GMIP: variants seen among roughly 807,000 people sequenced by gnomAD.
The protein encoded by GMIP is GEM interacting protein.
In GMIP, 54 loss-of-function variants were observed where a neutral mutation model predicts 105.3. That is an observed-to-expected ratio of 0.51 (90% CI 0.41 to 0.64). The LOEUF (loss-of-function observed/expected upper bound fraction) is 0.64, where lower values mean the gene tolerates loss of function less well. Among genes scored for constraint, GMIP ranks in the 30% least tolerant of loss-of-function variants. The pLI, the probability that GMIP is intolerant of heterozygous loss-of-function variation, is 0.00. For synonymous variants in GMIP, 541 were observed against 560.8 expected (o/e 0.96, Z 0.50); for missense variants, 1,110 against 1,319.4 (o/e 0.84, Z 2.46).
At position 19,630,174 on chromosome 19, in the gene GMIP, G is replaced by A. The variant is rs778834358; in HGVS notation, c.2702C>T (p.Thr901Ile). ...ASKLCEETPI[T>I]SVPRGSLRGR... Reference sequence around the variant, plus strand: ...CCGCAAACTCCCTCTGGGCACTGATGTGATGGGGGTCTCCTCGCACAGCTT... The same window carrying A: ...CCGCAAACTCCCTCTGGGCACTGATATGATGGGGGTCTCCTCGCACAGCTT... Residue 901 changes from threonine (T) to isoleucine (I), a missense_variant, in exon 21 of 21, where the codon ACA becomes ATA. Thr to Ile is a moderately conservative substitution (Grantham distance 89). Transcript: ENST00000203556. This position sits in a 1 kb window ranked among gnomAD's most constrained non-coding sequence, Gnocchi z 4.8. 8 of 1,603,762 alleles carry A rather than the reference G, an allele frequency of 5.0e-6. No individual in the cohort carries two copies. In the African/African-American group the frequency reaches 5.4e-5, roughly 11 times the overall value.
In GMIP at chr19:19,635,477, G is replaced by A. The variant is rs754729901; in HGVS notation, c.1498C>T (p.Arg500Trp). 9.3e-6 allele frequency: 15 copies of A among 1,610,542 alleles called. No individual in the cohort carries two copies. The South Asian group carries it at 1.4e-4, about 15-fold the overall frequency. ...AAQTHQLRRL[R>W]GPAKCRECEA... ...CACTCGCGGCACTTGGCTGGGCCCC[G>A]CAGTCGCCGCAGCTGGTGGGTCTGA... is the stretch of plus-strand genomic sequence containing the variant. The change falls in exon 15 of 21, where the codon CGG (arginine) becomes TGG (tryptophan). Residue 500 changes from arginine (R) to tryptophan (W), a missense_variant. By Grantham distance (101) the Arg-to-Trp change is moderately radical. Transcript: ENST00000203556. The surrounding 1 kb of genome is among the most constrained non-coding windows in gnomAD (Gnocchi z 4.7).
Position 19,643,535 on chromosome 19 carries a change from G to A in GMIP, c.-6C>T. On this transcript the variant is annotated 5_prime_UTR_variant, in exon 1 of 21. Coordinates refer to ENST00000203556, the MANE Select transcript of GMIP (RefSeq NM_016573.4). ...CCCGGCTCTGCTGCGTCCATATCTG[G>A]GCCCGGGGATCGCTCTGCAGGGACC... 3.9e-6 allele frequency: 6 copies of A among 1,547,420 alleles called. No individual in the cohort carries two copies. The highest frequency in any genetic ancestry group is 5.2e-6 in the Non-Finnish European group (6 of 1,145,210).
chr19:19,639,521 C>G (rs1356432801), intron 7 of GMIP, among the ~76,000 whole-genome samples: 1 of 152,108 alleles, frequency 6.6e-6, no homozygotes, highest in Admixed American at 6.5e-5. Context: ...CTCCTGAGAA[C>G]ACTCAGCACC....
In GMIP at chr19:19,637,059, T is replaced by A; in HGVS notation, c.1125-30A>T. On this transcript the variant is annotated intron_variant, in intron 11 of 20. Coordinates refer to ENST00000203556, the MANE Select transcript of GMIP (RefSeq NM_016573.4). This position sits in a 1 kb window ranked among gnomAD's most constrained non-coding sequence, Gnocchi z 6.7. ...GAAGACAGAAGTTTGAAGGTTTGAA[T>A]CCCAGGAAACTGGCCTGGGGTGATG... The A allele has an allele frequency of 1.4e-6, 2 of 1,473,820 alleles. No homozygotes were observed. The highest frequency in any genetic ancestry group is 1.9e-6 in the Non-Finnish European group (2 of 1,076,262). The allele number at this position is 1,473,820 out of a possible 1,614,324, so 91.3% of individuals were successfully genotyped here.
At chr19:19,636,391 T>G (rs2061854348) in intron 13 of GMIP, among the ~76,000 whole-genome samples, 1 of 148,826 alleles carries the variant, frequency 6.7e-6, no homozygotes, top group Non-Finnish European at 1.5e-5. Flanking sequence ...GGCGTGGTAG[T>G]GCACACCTGT....
chr19:19,642,482 A>G (rs2061932667), intron 2 of GMIP, 53 bp downstream of exon 2: 1 of 1,117,634 alleles, frequency 8.9e-7, no homozygotes, highest in Non-Finnish European at 1.4e-6. Flanking sequence ...CTAAATGGTT[A>G]GGGGCTTGGG....
chr19:19,639,903 T>A (rs1051798653), intron 7 of GMIP, among the ~76,000 whole-genome samples, 182 bp downstream of exon 7: 6 of 152,150 alleles, frequency 3.9e-5, no homozygotes, highest in African/African-American at 1.4e-4. Context: ...CCAGCTTGAA[T>A]CTTTGCTGGG....
In GMIP at chr19:19,635,293, G is replaced by T. The variant is rs1340174083; in HGVS notation, c.1561-80C>A. The T allele has an allele frequency of 2.0e-6, 3 of 1,514,596 alleles. No individual in the cohort carries two copies. Among genetic ancestry groups the T allele is most frequent in the African/African-American group, 2.7e-5 (2 of 72,818 alleles). The allele number at this position is 1,514,596 out of a possible 1,614,324, so 93.8% of individuals were successfully genotyped here. ...AAGGTTACAAGGATCCTCAAGGAAT[G>T]GGGGCTCATGGGAGACATCAGGTTA... On this transcript the variant is annotated intron_variant, in intron 15 of 20. Transcript: ENST00000203556. This position sits in a 1 kb window ranked among gnomAD's most constrained non-coding sequence, Gnocchi z 4.7.
chr19:19,643,220 G>A (rs1225190660), intron 1 of GMIP: 9 of 395,982 alleles, frequency 2.3e-5, no homozygotes, highest in Non-Finnish European at 3.2e-5. Flanking sequence ...CTCAGCAGTC[G>A]TGGCACCCTG....
intron 7 of GMIP, among the ~76,000 whole-genome samples, chr19:19,639,736 C>A (rs943556479): frequency 2.6e-5 from 4 of 152,120 alleles, no homozygotes; most frequent in Admixed American, 1.3e-4. Flanking sequence ...GTAATCCCAG[C>A]TACTCAGGAG....
rs1458673532 is a variant in GMIP, at chr19:19,638,604, T to C, written c.538-122A>G. The C allele has an allele frequency of 9.5e-6, 7 of 739,352 alleles. No homozygotes were observed. The East Asian group carries it at 1.6e-4, about 17-fold the overall frequency. The allele number at this position is 739,352 out of a possible 1,614,324, so 45.8% of individuals were successfully genotyped here. ...CCTCTGGACTCTATTTTTTTTTTTT[T>C]CGAGACGGAGTTTTGCTCTTGTTGC... On this transcript the variant is annotated intron_variant, in intron 7 of 20. Transcript: ENST00000203556.
intron 1 of GMIP, 146 bp from the exon 2 acceptor site, chr19:19,642,765 A>C (rs1419785047): frequency 1.8e-5 from 9 of 506,248 alleles, no homozygotes; most frequent in Non-Finnish European, 3.2e-5. Flanking sequence ...GTTGGGGCCA[A>C]CTCGAGGCAG....
chr19:19,635,475 C>T lies in GMIP; in HGVS notation c.1500G>A (p.Arg500=), dbSNP rs2061844296. 1 of 1,610,596 alleles carries T rather than the reference C, an allele frequency of 6.2e-7. No homozygotes were observed. Among genetic ancestry groups the T allele is most frequent in the Non-Finnish European group, 8.5e-7 (1 of 1,179,996 alleles). Residue 500 remains arginine (R), a synonymous_variant, in exon 15 of 21, where the codon CGG becomes CGA. Transcript: ENST00000203556. The surrounding 1 kb of genome is among the most constrained non-coding windows in gnomAD (Gnocchi z 4.7). The part of the protein sequence containing the change: ...AAQTHQLRRL[R]GPAKCRECEA... Reference sequence around the variant, plus strand: ...CGCACTCGCGGCACTTGGCTGGGCCCCGCAGTCGCCGCAGCTGGTGGGTCT... The same window carrying T: ...CGCACTCGCGGCACTTGGCTGGGCCTCGCAGTCGCCGCAGCTGGTGGGTCT...
In GMIP at chr19:19,637,357, T is replaced by A; in HGVS notation, c.1124+8A>T. 6.7e-7 allele frequency: 1 copy of A among 1,484,564 alleles called. No individual in the cohort carries two copies. The highest frequency in any genetic ancestry group is 1.4e-5 in the South Asian group (1 of 72,962). 92.0% of individuals were successfully genotyped at this position (1,484,564 alleles called of 1,614,324 possible). ...GCTCGTTCCCGACTCCCTGCTCCAG[T>A]GACCCACCTGTTCAAGGAGGGAAGG... is the stretch of plus-strand genomic sequence containing the variant. On this transcript the variant is annotated splice_region_variant and intron_variant, in intron 11 of 20. Transcript: ENST00000203556. The surrounding 1 kb of genome is among the most constrained non-coding windows in gnomAD (Gnocchi z 6.7).
intron 4 of GMIP, 57 bp downstream of exon 4, chr19:19,641,753 T>G: frequency 1.6e-6 from 2 of 1,224,892 alleles, no homozygotes; most frequent in Non-Finnish European, 2.4e-6. Context: ...CAGTGGTGAT[T>G]TGTTGAAGGA....
chr19:19,629,749 T>C lies in GMIP; in HGVS notation c.*214A>G. 5 of 579,694 alleles carry C rather than the reference T, an allele frequency of 8.6e-6. No individual in the cohort carries two copies. Among genetic ancestry groups the C allele is most frequent in the East Asian group, 3.0e-5 (1 of 33,710 alleles). 35.9% of individuals were successfully genotyped at this position (579,694 alleles called of 1,614,324 possible). Reference sequence around the variant, plus strand: ...GGCCCTGATGCTTGGCAGTGACCTGTGTCTAGTGGGGGGACTCTGGGACAT... The same window carrying C: ...GGCCCTGATGCTTGGCAGTGACCTGCGTCTAGTGGGGGGACTCTGGGACAT... On this transcript the variant is annotated 3_prime_UTR_variant, in exon 21 of 21. Transcript: ENST00000203556.
chr19:19,639,217 G>A (rs1028230917), intron 7 of GMIP, among the ~76,000 whole-genome samples: 1 of 151,316 alleles, frequency 6.6e-6, no homozygotes, highest in African/African-American at 2.4e-5. Flanking sequence ...CTGCAGACAT[G>A]TGCACCAGGC....
rs771232869 is a variant in GMIP, at chr19:19,637,983, G to C, written c.864C>G (p.Ala288=). The C allele has an allele frequency of 6.2e-7, 1 of 1,611,228 alleles. No homozygotes were observed. The highest frequency in any genetic ancestry group is 2.2e-5 in the East Asian group (1 of 44,808). ...GCACGTGCGACACGATTCGCTGCTT[G>C]GCGATCTCCAGGTCCTGCTGCCGCG... ...ANARQQDLEI[A]KQRIVSHVRK... The change falls in exon 10 of 21, where the codon GCC becomes GCG. Residue 288 remains alanine, a synonymous_variant. Transcript: ENST00000203556. The surrounding 1 kb of genome is among the most constrained non-coding windows in gnomAD (Gnocchi z 6.7).
chr19:19,631,710 G>A (rs1006280783), intron 19 of GMIP, among the ~76,000 whole-genome samples: 13 of 152,328 alleles, frequency 8.5e-5, no homozygotes, highest in African/African-American at 1.7e-4. Context: ...CCAGGCGGCC[G>A]GGTGCAGTGG....
Sources: allele counts gnomAD v4.1 joint callset (sites outside exome capture counted in the v4.1 genomes callset), GRCh38; gene constraint gnomAD v4.1.1; non-coding constraint Gnocchi (gnomAD v3.1); transcripts MANE v1.5; gene names NCBI Gene and HGNC (gene_info 2026-07-23, HGNC 2026-07-21).